TSHZ2: variants seen among roughly 807,000 people sequenced by gnomAD.
The protein encoded by TSHZ2 is teashirt zinc finger homeobox 2.
Under a neutral mutation model 74.4 loss-of-function variants are expected in TSHZ2, and 21 were observed. The observed-to-expected ratio is 0.28, with a 90% CI of 0.20 to 0.41. The LOEUF is 0.41. TSHZ2 is among the 10% of genes least tolerant of loss of function. TSHZ2 has a pLI of 1.00. For missense variants in TSHZ2, 1,244 were observed against 1,293.5 expected, an observed-to-expected ratio of 0.96 and a Z score of 0.59; for synonymous variants, 540 against 515.3, an observed-to-expected ratio of 1.05 and a Z score of -0.65.
chr20:53,131,834 C>CA (rs1333277654), intron 1 of TSHZ2, among the ~76,000 whole-genome samples: 37 of 71,058 alleles, frequency 5.2e-4, no homozygotes, highest in Admixed American at 1.6e-3. Context: ...CCCCCCCCCC[C>CA]AAAAAAAAAA....
At chr20:53,455,802 T>G (rs1394259846) in intron 2 of TSHZ2, among the ~76,000 whole-genome samples, 1 of 149,536 alleles carries the variant, frequency 6.7e-6, no homozygotes, top group Non-Finnish European at 1.5e-5. Context: ...TGAGTGAGAA[T>G]ATGCAGTGTT....
intron 2 of TSHZ2, among the ~76,000 whole-genome samples, chr20:53,305,732 C>T (rs567621118): frequency 6.6e-6 from 1 of 152,268 alleles, no homozygotes; most frequent in South Asian, 2.1e-4. Context: ...GTAATCCCAG[C>T]ACTTTGGGAG....
At chr20:53,398,311 T>C (rs772461828) in intron 2 of TSHZ2, 7 of 152,218 alleles carry the variant, frequency 4.6e-5, no homozygotes, top group Non-Finnish European at 8.8e-5. Context: ...ATGAGAAATG[T>C]GCACTGGACA....
chr20:53,258,993 C>A (rs1411713827), intron 2 of TSHZ2, among the ~76,000 whole-genome samples: 3 of 152,168 alleles, frequency 2.0e-5, no homozygotes, highest in Non-Finnish European at 4.4e-5. Context: ...CTGAATGTTT[C>A]CCCCATCTGT....
intron 2 of TSHZ2, among the ~76,000 whole-genome samples, chr20:53,458,292 G>A (rs1196258498): frequency 1.3e-5 from 2 of 150,944 alleles, no homozygotes; most frequent in Middle Eastern, 3.2e-3. Context: ...TCTTGGGAGA[G>A]TGTATGTGTC....
At chr20:53,233,013 A>G (rs1239065287) in intron 1 of TSHZ2, among the ~76,000 whole-genome samples, 5 of 152,264 alleles carry the variant, frequency 3.3e-5, no homozygotes, top group Admixed American at 2.6e-4. Flanking sequence ...TTTAAAAAAG[A>G]TCTTTATAAT....
chr20:53,377,409 A>T (rs1028242763), intron 2 of TSHZ2, among the ~76,000 whole-genome samples: 1 of 152,210 alleles, frequency 6.6e-6, no homozygotes, highest in African/African-American at 2.4e-5. Context: ...TGGAAGCAAG[A>T]CTACTCCTTG....
intron 2 of TSHZ2, among the ~76,000 whole-genome samples, chr20:53,328,931 G>A (rs1267699080): frequency 6.6e-6 from 1 of 152,180 alleles, no homozygotes; most frequent in African/African-American, 2.4e-5. Context: ...GGCAGGGTGT[G>A]AATAGTTAAT....
At chr20:53,094,303 A>C (rs1412643789) in intron 1 of TSHZ2, among the ~76,000 whole-genome samples, 7 of 152,178 alleles carry the variant, frequency 4.6e-5, no homozygotes, top group Admixed American at 3.3e-4. Context: ...TTTCATTTTC[A>C]TTAAAAACAA....
chr20:53,162,841 A>C (rs1383148943), intron 1 of TSHZ2, among the ~76,000 whole-genome samples: 1 of 152,206 alleles, frequency 6.6e-6, no homozygotes, highest in East Asian at 1.9e-4. Context: ...GAAAATAAGA[A>C]AGTTAATTTC....
intron 2 of TSHZ2, among the ~76,000 whole-genome samples, chr20:53,316,534 T>G (rs999506522): frequency 6.6e-6 from 1 of 151,666 alleles, no homozygotes; most frequent in Non-Finnish European, 1.5e-5. Context: ...ATCAGGTTAC[T>G]ATACCCTCTC....
intron 2 of TSHZ2, among the ~76,000 whole-genome samples, chr20:53,372,337 C>T (rs1014098998): frequency 1.5e-4 from 23 of 152,000 alleles, no homozygotes; most frequent in African/African-American, 4.8e-4. Context: ...ATTAGCCAGG[C>T]GTAGTGTCAC....
intron 1 of TSHZ2, among the ~76,000 whole-genome samples, chr20:53,145,337 T>C (rs1208253465): frequency 6.6e-6 from 1 of 152,204 alleles, no homozygotes; most frequent in Non-Finnish European, 1.5e-5. Context: ...CACTCTCTTT[T>C]CCTGCACAAG....
chr20:53,227,821 A>G (rs1989719022), intron 1 of TSHZ2, among the ~76,000 whole-genome samples: 1 of 151,986 alleles, frequency 6.6e-6, no homozygotes, highest in Non-Finnish European at 1.5e-5. Context: ...ATCAGTACTG[A>G]CTTCAAAGGG....
chr20:53,161,018 A>C (rs1987919837), intron 1 of TSHZ2, among the ~76,000 whole-genome samples: 1 of 134,762 alleles, frequency 7.4e-6, no homozygotes, highest in African/African-American at 3.2e-5. Context: ...AGGGGAAAGA[A>C]ACAGCAAAAT....
chr20:52,976,464 T>C (rs1379310501), intron 1 of TSHZ2, among the ~76,000 whole-genome samples: 1 of 152,226 alleles, frequency 6.6e-6, no homozygotes, highest in Non-Finnish European at 1.5e-5. Flanking sequence ...TTAAAATACA[T>C]CCACTATTAC....
intron 2 of TSHZ2, among the ~76,000 whole-genome samples, chr20:53,259,418 T>G (rs946988988): frequency 6.6e-6 from 1 of 152,222 alleles, no homozygotes; most frequent in African/African-American, 2.4e-5. Context: ...CATCTCTATT[T>G]TAGGTCATAA....
At position 53,480,673 on chromosome 20, in the gene TSHZ2, C is replaced by A. The variant is rs575160826; in HGVS notation, c.*9-6471C>A. On this transcript the variant is annotated intron_variant, in intron 2 of 2. Transcript: ENST00000371497. The stretch of plus-strand genomic sequence containing the variant: ...TTGCAAGGAGCCTCACGTTCCCAGC[C>A]CCTAACCACTAAATGCCAGCAGTGC... Among the ~76,000 whole-genome samples, 17 of 152,250 alleles carry A rather than the reference C, an allele frequency of 1.1e-4. No homozygotes were observed. In the South Asian group the frequency reaches 2.5e-3, roughly 22 times the overall value.
At chr20:53,077,454 A>C (rs1985403279) in intron 1 of TSHZ2, among the ~76,000 whole-genome samples, 2 of 151,522 alleles carry the variant, frequency 1.3e-5, no homozygotes. Flanking sequence ...TCATCTGTAC[A>C]GTTGGAGCTG....
Sources: allele counts gnomAD v4.1 joint callset (sites outside exome capture counted in the v4.1 genomes callset), GRCh38; gene constraint gnomAD v4.1.1; transcripts MANE v1.5; gene names NCBI Gene and HGNC (gene_info 2026-07-23, HGNC 2026-07-21).